Variants in MTFR1 observed in about 807,000 individuals in gnomAD.
MTFR1 encodes the protein mitochondrial fission regulator 1.
Under a neutral mutation model 38.8 loss-of-function variants are expected in MTFR1, and 28 were observed. The observed-to-expected ratio is 0.72, with a 90% confidence interval of 0.53 to 0.99. The LOEUF is 0.99. Among genes scored for constraint, MTFR1 ranks in the 50% least tolerant of loss-of-function variants. The probability of loss-of-function intolerance (pLI) is 0.00; values close to 1 mark genes in which losing one functional copy is unlikely to be tolerated. For missense variants in MTFR1, 358 were observed against 395.5 expected (o/e 0.91, Z 0.81); for synonymous variants, 145 against 137.0 (o/e 1.06, Z -0.41).
At position 65,645,704 on chromosome 8, in the gene MTFR1, C is replaced by G. The variant is rs948613307; in HGVS notation, c.-81+920C>G. Among the ~76,000 whole-genome samples, 32 of 136,732 alleles carry G rather than the reference C, an allele frequency of 2.3e-4. 2 individuals are homozygous for G. The highest frequency in any genetic ancestry group is 1.7e-3 in the South Asian group (5 of 2,882). The allele number at this position is 136,732 out of a possible 152,430, so 89.7% of individuals were successfully genotyped here. On this transcript the variant is annotated intron_variant, in intron 1 of 7. Transcript: ENST00000262146. ...TCACGCCCGGCTTTCCCCCCCCCCC[C>G]CCTTTGTAGAGATGGGGTCTCCTTA...
chr8:65,680,387 A>T (rs1265483139), intron 2 of MTFR1, among the ~76,000 whole-genome samples: 1 of 152,010 alleles, frequency 6.6e-6, no homozygotes, highest in African/African-American at 2.4e-5. Flanking sequence ...CTGGTCTCAA[A>T]CTTCTGGCCA....
intron 3 of MTFR1, chr8:65,722,740 A>T (rs1371841006): frequency 6.6e-6 from 1 of 152,178 alleles, no homozygotes; most frequent in Non-Finnish European, 1.5e-5. Context: ...CACTCAACAC[A>T]CAGTTCTCAA....
downstream of MTFR1, chr8:65,710,700 T>A (rs755219090): frequency 6.6e-6 from 1 of 152,118 alleles, no homozygotes; most frequent in East Asian, 1.9e-4. Flanking sequence ...TCACCTCTCA[T>A]TCACTTTTTC....
chr8:65,750,612 T>TC (rs1807901013), intron 3 of MTFR1, among the ~76,000 whole-genome samples: 1 of 151,820 alleles, frequency 6.6e-6, no homozygotes, highest in Admixed American at 6.6e-5. Flanking sequence ...AGAGGGAAAC[T>TC]CCAACAATTC....
chr8:65,719,764 A>C, intron 3 of MTFR1: 1 of 440,060 alleles, frequency 2.3e-6, no homozygotes, highest in African/African-American at 2.0e-5. Context: ...TCTCAGTGGC[A>C]CAACTACATT....
intron 4 of MTFR1, among the ~76,000 whole-genome samples, chr8:65,700,552 A>T (rs924338676): frequency 1.3e-5 from 2 of 152,108 alleles, no homozygotes; most frequent in African/African-American, 4.8e-5. Context: ...AAGCATTGAC[A>T]TCCTGATAAC....
intron 3 of MTFR1, among the ~76,000 whole-genome samples, chr8:65,721,585 C>G (rs1166098709): frequency 1.3e-5 from 2 of 152,112 alleles, no homozygotes; most frequent in Admixed American, 6.6e-5. Flanking sequence ...CATTCTAGAT[C>G]TGTACAACAC....
intron 1 of MTFR1, among the ~76,000 whole-genome samples, chr8:65,652,700 G>A (rs891029328): frequency 1.3e-5 from 2 of 152,130 alleles, no homozygotes; most frequent in African/African-American, 2.4e-5. Flanking sequence ...ACTGAGTTTT[G>A]GATGTTGACT....
intron 3 of MTFR1, chr8:65,724,367 T>C (rs1258922454): frequency 3.9e-6 from 6 of 1,557,260 alleles, no homozygotes; most frequent in Non-Finnish European, 5.3e-6. Context: ...AAACAAAACA[T>C]TAATATTGTT....
intron 3 of MTFR1, among the ~76,000 whole-genome samples, chr8:65,743,802 G>A (rs571009241): frequency 1.3e-5 from 2 of 151,244 alleles, no homozygotes; most frequent in Non-Finnish European, 2.9e-5. Flanking sequence ...TCCTCTCAGT[G>A]TACTTTCAGC....
At chr8:65,656,965 A>C (rs1284361705) in intron 1 of MTFR1, among the ~76,000 whole-genome samples, 1 of 151,698 alleles carries the variant, frequency 6.6e-6, no homozygotes, top group African/African-American at 2.4e-5. Context: ...TTTCAACTGA[A>C]TACTTTTTTG....
intron 2 of MTFR1, chr8:65,682,148 T>G (rs1804913954): frequency 4.1e-6 from 1 of 245,844 alleles, no homozygotes; most frequent in East Asian, 7.4e-5. Context: ...TTAAACTTTA[T>G]TGAATTAATA....
chr8:65,707,371 A>G lies in MTFR1; in HGVS notation c.764+115A>G, dbSNP rs935839938. The G allele has an allele frequency of 9.0e-6, 10 of 1,106,406 alleles. No individual in the cohort carries two copies. The African/African-American group carries it at 9.5e-5, about 11-fold the overall frequency. The allele number at this position is 1,106,406 out of a possible 1,614,324, so 68.5% of individuals were successfully genotyped here. The stretch of plus-strand genomic sequence containing the variant: ...GACTGCCATGAATAGTTTTTAGTTT[A>G]AAAAAAAGATGAGCCCCAGTGGCTT... On this transcript the variant is annotated intron_variant, in intron 6 of 7. Transcript: ENST00000262146.
At chr8:65,733,012 G>A (rs532371090) in intron 3 of MTFR1, among the ~76,000 whole-genome samples, 4 of 152,016 alleles carry the variant, frequency 2.6e-5, no homozygotes, top group Admixed American at 2.0e-4. Flanking sequence ...CCCAGTCCTG[G>A]GTGACTCCAT....
chr8:65,710,953 G>A (rs1332287124), downstream of MTFR1, among the ~76,000 whole-genome samples: 1 of 151,416 alleles, frequency 6.6e-6, no homozygotes, highest in Non-Finnish European at 1.5e-5. Flanking sequence ...CCTATGTTTT[G>A]TCTGAGTTCT....
chr8:65,719,712 A>G, intron 3 of MTFR1: 1 of 558,654 alleles, frequency 1.8e-6, no homozygotes, highest in South Asian at 2.4e-5. Flanking sequence ...AATTTGAGTA[A>G]AAGTGAACTG....
chr8:65,662,028 T>C (rs1394503509), intron 1 of MTFR1, among the ~76,000 whole-genome samples: 6 of 98,274 alleles, frequency 6.1e-5, no homozygotes, highest in African/African-American at 2.2e-4. Flanking sequence ...TCCCTCTCTC[T>C]CTCCCTCTCT....
At chr8:65,645,871 T>C (rs201460971) in intron 1 of MTFR1, among the ~76,000 whole-genome samples, 1 of 152,306 alleles carries the variant, frequency 6.6e-6, no homozygotes, top group East Asian at 1.9e-4. Flanking sequence ...TTATATAATT[T>C]CAATTATTTT....
At chr8:65,653,310 G>A (rs1262386113) in intron 1 of MTFR1, among the ~76,000 whole-genome samples, 5 of 152,050 alleles carry the variant, frequency 3.3e-5, no homozygotes, top group South Asian at 2.1e-4. Context: ...CAGGCAGTTC[G>A]AGACCAGCCT....
Sources: gnomAD v4.1 joint callset for allele counts (sites outside exome capture counted in the v4.1 genomes callset) on GRCh38, gnomAD v4.1.1 for gene constraint, MANE v1.5 for transcripts, NCBI Gene and HGNC (gene_info 2026-07-23, HGNC 2026-07-21) for gene names.